Variants in PIK3CB observed in about 807,000 individuals in gnomAD.
PIK3CB encodes the protein phosphatidylinositol-4,5-bisphosphate 3-kinase catalytic subunit beta.
PIK3CB carries 39 observed loss-of-function variants against 136.8 expected under a neutral mutation model. That is an observed-to-expected ratio of 0.29 (90% confidence interval 0.22 to 0.37). PIK3CB has a LOEUF of 0.37. Ranked by LOEUF, PIK3CB falls within the 10% of genes least tolerant of loss-of-function variation. The probability of loss-of-function intolerance (pLI) is 1.00; values close to 1 mark genes in which losing one functional copy is unlikely to be tolerated. For missense variants in PIK3CB, 868 were observed against 1,275.4 expected, an observed-to-expected ratio of 0.68 and a Z score of 4.87; for synonymous variants, 428 against 436.6, an observed-to-expected ratio of 0.98 and a Z score of 0.25.
intron 2 of PIK3CB, among the ~76,000 whole-genome samples, chr3:138,788,964 C>CAAAAA (rs57432821): frequency 4.9e-4 from 44 of 89,472 alleles, no homozygotes; most frequent in African/African-American, 6.0e-4. Context: ...GACTTCGTCT[C>CAAAAA]AAAAAAAAAA....
chr3:138,825,815 G>C lies in PIK3CB; in HGVS notation c.-122+8880C>G, dbSNP rs1933761675. The C allele has an allele frequency of 1.2e-5, 13 of 1,051,098 alleles. No homozygotes were observed. The South Asian group carries it at 1.8e-4, about 15-fold the overall frequency. 65.1% of individuals were successfully genotyped at this position (1,051,098 alleles called of 1,614,324 possible). Reference sequence around the variant, plus strand: ...GTCAATGTTACAACTGAAGCAGTCTGTTGAAATGCACCATGAAGCTTTGGG... The same window carrying C: ...GTCAATGTTACAACTGAAGCAGTCTCTTGAAATGCACCATGAAGCTTTGGG... On this transcript the variant is annotated intron_variant, in intron 1 of 23. Coordinates refer to ENST00000674063, the MANE Select transcript of PIK3CB (RefSeq NM_006219.3).
chr3:138,730,772 A>G (rs2044954863), intron 8 of PIK3CB, among the ~76,000 whole-genome samples: 2 of 152,092 alleles, frequency 1.3e-5, no homozygotes, highest in South Asian at 2.1e-4. Flanking sequence ...AAATAGAAAT[A>G]AAAATAAAAA....
At chr3:138,668,802 T>C (rs2108436421) in intron 19 of PIK3CB, among the ~76,000 whole-genome samples, 1 of 152,288 alleles carries the variant, frequency 6.6e-6, no homozygotes, top group Admixed American at 6.5e-5. Flanking sequence ...ACACACATTG[T>C]ACTCACCAAG....
rs113612792 is a variant in PIK3CB, at chr3:138,736,798, C to T, written c.801+909G>A. On this transcript the variant is annotated intron_variant, in intron 6 of 23. Coordinates refer to ENST00000674063, the MANE Select transcript of PIK3CB (RefSeq NM_006219.3). ...ATAAAGGCTTTTGAGAATGGTCAAA[C>T]CTAATGCCTGCAAAATTCTTGCCAT... Among the ~76,000 whole-genome samples, 407 of 152,254 alleles carry T rather than the reference C, an allele frequency of 2.7e-3. 1 individual carries two copies. Among genetic ancestry groups the T allele is most frequent in the Non-Finnish European group, 3.9e-3 (267 of 68,032 alleles).
At chr3:138,804,975 A>G (rs1161036780) in intron 1 of PIK3CB, among the ~76,000 whole-genome samples, 1 of 151,822 alleles carries the variant, frequency 6.6e-6, no homozygotes, top group Non-Finnish European at 1.5e-5. Context: ...CAGTGAGCTG[A>G]GATCGTGCCA....
intron 1 of PIK3CB, among the ~76,000 whole-genome samples, chr3:138,808,734 TTCTCTCTC>T (rs111932280): frequency 6.7e-6 from 1 of 150,174 alleles, no homozygotes; most frequent in Non-Finnish European, 1.5e-5. Context: ...CTCTCTCCTT[TTCTCTCTC>T]TCTCTCTCTA....
intron 11 of PIK3CB, among the ~76,000 whole-genome samples, chr3:138,705,453 C>T (rs1309255066): frequency 6.6e-6 from 1 of 151,856 alleles, no homozygotes; most frequent in African/African-American, 2.4e-5. Context: ...TGTATACTAA[C>T]GTATATGATT....
At chr3:138,710,023 C>CAAAAAAAA (rs34985570) in intron 10 of PIK3CB, among the ~76,000 whole-genome samples, 3 of 91,936 alleles carry the variant, frequency 3.3e-5, no homozygotes, top group Non-Finnish European at 4.5e-5. Context: ...ACAAAAAATA[C>CAAAAAAAA]AAAAAAAAAA....
At chr3:138,679,597 T>C (rs930728690) in intron 19 of PIK3CB, among the ~76,000 whole-genome samples, 8 of 151,928 alleles carry the variant, frequency 5.3e-5, no homozygotes, top group African/African-American at 1.4e-4. Flanking sequence ...TTTTTTTCTT[T>C]TTTGAGATTA....
chr3:138,775,527 T>C (rs1021810415), intron 2 of PIK3CB, among the ~76,000 whole-genome samples: 2 of 152,060 alleles, frequency 1.3e-5, no homozygotes, highest in African/African-American at 2.4e-5. Context: ...GATGGAATAC[T>C]GGAAAAGGGA....
At chr3:138,756,880 AG>A (rs1481029143) in intron 3 of PIK3CB, among the ~76,000 whole-genome samples, 1 of 152,200 alleles carries the variant, frequency 6.6e-6, no homozygotes, top group African/African-American at 2.4e-5. Context: ...GACATTATCA[AG>A]AGAATGAAAA....
intron 14 of PIK3CB, among the ~76,000 whole-genome samples, chr3:138,693,966 T>TATATATATTA (rs1457395869): frequency 4.7e-5 from 2 of 42,406 alleles, no homozygotes; most frequent in Non-Finnish European, 7.2e-5. Context: ...TATATATATA[T>TATATATATTA]TATATATATA....
chr3:138,764,444 T>C (rs570996257), intron 2 of PIK3CB, among the ~76,000 whole-genome samples: 1 of 151,696 alleles, frequency 6.6e-6, no homozygotes, highest in Admixed American at 6.6e-5. Context: ...AGTGAGACTA[T>C]GTCTCAAAAA....
chr3:138,679,750 T>TTAC (rs1163211872), intron 19 of PIK3CB, among the ~76,000 whole-genome samples: 1 of 146,328 alleles, frequency 6.8e-6, no homozygotes, highest in African/African-American at 2.5e-5. Flanking sequence ...GCCTGGCTAA[T>TTAC]TATTATTATT....
rs190101173 is a variant in PIK3CB, at chr3:138,802,075, G to C, written c.-121-5508C>G. On this transcript the variant is annotated intron_variant, in intron 1 of 23. Coordinates refer to ENST00000674063, the MANE Select transcript of PIK3CB (RefSeq NM_006219.3). ...AAAAACAAAAAAGAAGAAAAAGAAAGAAGGAAAGAAAAGGGGAGCCAGGCA... is the reference window on the plus strand; with the variant it reads ...AAAAACAAAAAAGAAGAAAAAGAAACAAGGAAAGAAAAGGGGAGCCAGGCA... Among the ~76,000 whole-genome samples, 36 of 150,798 alleles carry C rather than the reference G, an allele frequency of 2.4e-4. No individual in the cohort carries two copies. The East Asian group carries it at 3.1e-3, about 13-fold the overall frequency.
intron 11 of PIK3CB, among the ~76,000 whole-genome samples, chr3:138,705,191 A>AAAAAAAAAACAAAAC (rs2044350403): frequency 1.1e-5 from 1 of 93,502 alleles, no homozygotes; most frequent in African/African-American, 5.4e-5. Context: ...CAAAACAAAC[A>AAAAAAAAAACAAAAC]AAAAAAAAAA....
intron 1 of PIK3CB, among the ~76,000 whole-genome samples, chr3:138,811,952 T>C (rs1933084565): frequency 6.6e-6 from 1 of 152,024 alleles, no homozygotes. Context: ...TAGCTGGGTG[T>C]AGTGGCACAT....
chr3:138,767,986 A>G (rs576905685), intron 2 of PIK3CB, among the ~76,000 whole-genome samples: 2 of 152,318 alleles, frequency 1.3e-5, no homozygotes, highest in South Asian at 2.1e-4. Context: ...TTTAGCCTCA[A>G]TTGGCAGGTC....
chr3:138,663,158 C>T (rs935156453), intron 21 of PIK3CB, among the ~76,000 whole-genome samples: 2 of 152,086 alleles, frequency 1.3e-5, no homozygotes, highest in African/African-American at 4.8e-5. Flanking sequence ...GCAACCTACT[C>T]ATCTGACAAA....
Sources: allele counts gnomAD v4.1 joint callset (sites outside exome capture counted in the v4.1 genomes callset), GRCh38; gene constraint gnomAD v4.1.1; transcripts MANE v1.5; gene names NCBI Gene and HGNC (gene_info 2026-07-23, HGNC 2026-07-21).